GLI2: variants seen among roughly 807,000 people sequenced by gnomAD.
GLI2 encodes the protein GLI family zinc finger 2, also known as transcription activator GLI2.
Under a neutral mutation model 78.9 loss-of-function variants are expected in GLI2, and 22 were observed. The observed-to-expected ratio is 0.28, with a 90% CI of 0.20 to 0.40. GLI2 has a LOEUF of 0.40. Ranked by LOEUF, GLI2 falls within the 10% of genes least tolerant of loss-of-function variation. The pLI is 1.00. For synonymous variants in GLI2, 974 were observed against 963.7 expected (o/e 1.01, Z -0.20); for missense variants, 2,097 against 2,213.2 (o/e 0.95, Z 1.05).
intron 2 of GLI2, among the ~76,000 whole-genome samples, chr2:120,871,461 C>T (rs922134927): frequency 2.6e-5 from 4 of 152,234 alleles, no homozygotes; most frequent in African/African-American, 9.6e-5. Flanking sequence ...TCCCTCGTCC[C>T]CTCGCCACTC....
chr2:120,762,619 C>T (rs372945008), intron 1 of GLI2, among the ~76,000 whole-genome samples: 1 of 152,188 alleles, frequency 6.6e-6, no homozygotes, highest in East Asian at 1.9e-4. Context: ...CCTGTGCCTC[C>T]GCGTCTCCCT....
At chr2:120,763,072 G>A (rs1683261704) in intron 1 of GLI2, among the ~76,000 whole-genome samples, 2 of 152,206 alleles carry the variant, frequency 1.3e-5, no homozygotes, top group Admixed American at 6.5e-5. Context: ...CTGAGGGGCA[G>A]CCCTGCTCCC....
rs368332990 is a variant in GLI2 at position 120,982,704 on chromosome 2, G to A, written c.1468-12G>A. On this transcript the variant is annotated splice_polypyrimidine_tract_variant and intron_variant, in intron 10 of 13. Coordinates refer to ENST00000361492, the MANE Select transcript of GLI2 (RefSeq NM_001374353.1). Reference sequence around the variant, plus strand: ...CTGGGGTGCCTTGACTGACTGAACCGCCTCCTTCTAGTTCGAGGGCTGCTC... The same window carrying A: ...CTGGGGTGCCTTGACTGACTGAACCACCTCCTTCTAGTTCGAGGGCTGCTC... The A allele has an allele frequency of 4.4e-5, 71 of 1,606,756 alleles. No individual in the cohort carries two copies. Among genetic ancestry groups the A allele is most frequent in the African/African-American group, 9.3e-5 (7 of 74,922 alleles).
At chr2:120,775,027 A>G (rs1027246213) in intron 1 of GLI2, among the ~76,000 whole-genome samples, 5 of 152,126 alleles carry the variant, frequency 3.3e-5, no homozygotes, top group Non-Finnish European at 1.5e-5. Context: ...AGCATCCTCC[A>G]TGTCCATCTC....
chr2:120,842,579 T>C (rs1420596512), intron 2 of GLI2, among the ~76,000 whole-genome samples: 1 of 152,194 alleles, frequency 6.6e-6, no homozygotes, highest in East Asian at 1.9e-4. Flanking sequence ...GAGAGCATGT[T>C]TGTGGGATGC....
chr2:120,896,795 C>T (rs1326307330), intron 2 of GLI2, among the ~76,000 whole-genome samples: 1 of 151,910 alleles, frequency 6.6e-6, no homozygotes, highest in Non-Finnish European at 1.5e-5. Flanking sequence ...GGGCGTTAAT[C>T]CCTCAAGAGT....
chr2:120,834,189 T>C (rs190953407), intron 2 of GLI2, among the ~76,000 whole-genome samples: 1 of 152,208 alleles, frequency 6.6e-6, no homozygotes, highest in Admixed American at 6.5e-5. Flanking sequence ...AAAAGATGAT[T>C]TGTTATTCAC....
chr2:120,759,247 G>C (rs528765956), intron 1 of GLI2, among the ~76,000 whole-genome samples: 16 of 152,244 alleles, frequency 1.1e-4, no homozygotes, highest in Non-Finnish European at 2.1e-4. Context: ...TACCAGCTAG[G>C]TGTCCTCCAA....
chr2:120,921,603 A>G (rs11122829), intron 2 of GLI2, among the ~76,000 whole-genome samples: 146,051 of 152,214 alleles, frequency 0.96, 70,105 homozygotes, highest in East Asian at 1. Context: ...GAGAAGGGAC[A>G]TAATTTCCCC....
chr2:120,944,264 T>C (rs1680600169), intron 3 of GLI2, among the ~76,000 whole-genome samples: 1 of 152,228 alleles, frequency 6.6e-6, no homozygotes, highest in Non-Finnish European at 1.5e-5. Context: ...TGCTGCACTC[T>C]CTGAGCTGCT....
chr2:120,806,330 C>G (rs563077294), intron 2 of GLI2, among the ~76,000 whole-genome samples: 1 of 152,156 alleles, frequency 6.6e-6, no homozygotes, highest in East Asian at 1.9e-4. Context: ...CAGATGGTCC[C>G]GAACTGTGGA....
At chr2:120,977,189 T>A (rs1001690469) in intron 9 of GLI2, among the ~76,000 whole-genome samples, 7 of 152,154 alleles carry the variant, frequency 4.6e-5, no homozygotes, top group African/African-American at 1.7e-4. Flanking sequence ...CCTCTTTTGG[T>A]GGCAGAGTTC....
chr2:120,754,629 T>A (rs940584557), intron 1 of GLI2, among the ~76,000 whole-genome samples: 2 of 152,228 alleles, frequency 1.3e-5, no homozygotes, highest in Non-Finnish European at 2.9e-5. Flanking sequence ...TAGTAGTTCA[T>A]CATACGGATA....
intron 2 of GLI2, among the ~76,000 whole-genome samples, chr2:120,885,084 C>T (rs1002198550): frequency 1.3e-5 from 2 of 152,176 alleles, no homozygotes; most frequent in African/African-American, 2.4e-5. Context: ...CCCTCTAGAG[C>T]TTATTGCCTT....
chr2:120,918,087 A>C (rs1424971948), intron 2 of GLI2, among the ~76,000 whole-genome samples: 1 of 152,234 alleles, frequency 6.6e-6, no homozygotes, highest in Non-Finnish European at 1.5e-5. Context: ...ACATCTGTGC[A>C]TGGAGAACTC....
At chr2:120,899,034 G>A (rs1678116345) in intron 2 of GLI2, among the ~76,000 whole-genome samples, 2 of 152,198 alleles carry the variant, frequency 1.3e-5, no homozygotes. Context: ...CCCTCCGGGA[G>A]GGCCTGGCTG....
Position 120,984,456 on chromosome 2 carries a change from T to C in GLI2, c.1633-15T>C. ...CGTACCCCTATCCATGACACAGGCC[T>C]GCTTCTCTCCCCAGAAACCCTACAT... On this transcript the variant is annotated splice_polypyrimidine_tract_variant and intron_variant, in intron 11 of 13. Transcript: ENST00000361492. The C allele has an allele frequency of 1.9e-6, 3 of 1,613,992 alleles. No individual in the cohort carries two copies. The highest frequency in any genetic ancestry group is 1.7e-6 in the Non-Finnish European group (2 of 1,179,910).
At chr2:120,750,339 TC>T (rs1558778876) in intron 1 of GLI2, among the ~76,000 whole-genome samples, 1 of 152,136 alleles carries the variant, frequency 6.6e-6, no homozygotes, top group Non-Finnish European at 1.5e-5. Context: ...GAGCCAGTGC[TC>T]CCCCGAGGGG....
intron 9 of GLI2, among the ~76,000 whole-genome samples, 188 bp downstream of exon 9, chr2:120,975,297 C>T (rs988339903): frequency 1.3e-5 from 2 of 152,160 alleles, no homozygotes; most frequent in African/African-American, 4.8e-5. Flanking sequence ...TTTAAGATGG[C>T]TTCCAATACA....
Sources: gnomAD v4.1 joint callset for allele counts (sites outside exome capture counted in the v4.1 genomes callset) on GRCh38, gnomAD v4.1.1 for gene constraint, MANE v1.5 for transcripts, NCBI Gene and HGNC (gene_info 2026-07-23, HGNC 2026-07-21) for gene names.